The following NUCB2 variants were observed in gnomAD, a reference collection of about 807,000 sequenced individuals.
NUCB2 encodes the protein nucleobindin-2.
NUCB2 carries 48 observed loss-of-function variants against 57.9 expected under a neutral mutation model. That is an observed-to-expected ratio of 0.83 (90% CI 0.66 to 1.05). The LOEUF is 1.05. Ranked by LOEUF, NUCB2 falls within the 50% of genes least tolerant of loss-of-function variation. The pLI, the probability that NUCB2 is intolerant of heterozygous loss-of-function variation, is 0.00. For missense variants in NUCB2, 442 were observed against 476.2 expected (o/e 0.93, Z 0.67); for synonymous variants, 139 against 152.1 (o/e 0.91, Z 0.64).
chr11:17,339,268 G>A (rs1380779507), intron 2 of NUCB2, among the ~76,000 whole-genome samples: 2 of 152,176 alleles, frequency 1.3e-5, no homozygotes, highest in Non-Finnish European at 1.5e-5. Flanking sequence ...GATTACAGGT[G>A]TGAGCCACTG....
intron 11 of NUCB2, among the ~76,000 whole-genome samples, chr11:17,320,585 A>G (rs561143704): frequency 6.6e-6 from 1 of 152,220 alleles, no homozygotes; most frequent in South Asian, 2.1e-4. Context: ...TGAACCTGGG[A>G]GATGGAGGTT....
intron 2 of NUCB2, among the ~76,000 whole-genome samples, chr11:17,346,895 G>A (rs74385428): frequency 1.1e-3 from 162 of 152,146 alleles, no homozygotes; most frequent in African/African-American, 3.4e-3. Context: ...TTATGTGTTT[G>A]TTATTTTGAA....
intron 8 of NUCB2, among the ~76,000 whole-genome samples, chr11:17,311,499 G>A (rs552932463): frequency 1.3e-5 from 2 of 152,166 alleles, no homozygotes; most frequent in Admixed American, 6.5e-5. Context: ...TTACTGTTGA[G>A]TCATATGAAT....
intron 5 of NUCB2, among the ~76,000 whole-genome samples, chr11:17,303,884 C>CA (rs1237614290): frequency 0.03 from 1,616 of 53,766 alleles, 59 homozygotes; most frequent in East Asian, 0.24. Flanking sequence ...GACTCCATCT[C>CA]AAAAAAAAAA....
chr11:17,278,031 T>C (rs1941690805), intron 1 of NUCB2, among the ~76,000 whole-genome samples: 1 of 152,102 alleles, frequency 6.6e-6, no homozygotes, highest in South Asian at 2.1e-4. Flanking sequence ...CTTCAAGCTT[T>C]CCATGATCTC....
chr11:17,280,130 T>G (rs906060384), intron 1 of NUCB2, among the ~76,000 whole-genome samples: 1 of 152,126 alleles, frequency 6.6e-6, no homozygotes, highest in African/African-American at 2.4e-5. Context: ...TTTAATTATC[T>G]GAAGTACAGT....
chr11:17,291,992 A>G (rs1945021400), intron 2 of NUCB2, among the ~76,000 whole-genome samples: 1 of 152,174 alleles, frequency 6.6e-6, no homozygotes, highest in Non-Finnish European at 1.5e-5. Context: ...ATCATTTTAA[A>G]TGAATGGTGT....
chr11:17,331,081 TTA>T (rs1951338396), intron 13 of NUCB2, 98 bp downstream of exon 13: 2 of 876,446 alleles, frequency 2.3e-6, no homozygotes, highest in South Asian at 3.6e-5. Flanking sequence ...CATTAAGATG[TTA>T]TGTTATTTTT....
At chr11:17,282,258 A>ATATATTTT (rs1388672393) in intron 1 of NUCB2, among the ~76,000 whole-genome samples, 6 of 103,482 alleles carry the variant, frequency 5.8e-5, no homozygotes, top group Non-Finnish European at 7.3e-5. Context: ...ATATATATAT[A>ATATATTTT]TTTTTTTTTT....
intron 2 of NUCB2, among the ~76,000 whole-genome samples, chr11:17,347,192 G>C (rs1473928351): frequency 3.9e-5 from 6 of 152,202 alleles, no homozygotes; most frequent in Admixed American, 2.0e-4. Context: ...AAGTGCGGTG[G>C]GAGCTTCCAG....
intron 11 of NUCB2, among the ~76,000 whole-genome samples, chr11:17,323,307 A>G (rs988248378): frequency 2.0e-5 from 3 of 152,090 alleles, no homozygotes; most frequent in Non-Finnish European, 4.4e-5. Flanking sequence ...GAATTTTTTC[A>G]AATTCTTTTT....
At chr11:17,307,421 A>G (rs1415743336) in intron 5 of NUCB2, among the ~76,000 whole-genome samples, 2 of 151,990 alleles carry the variant, frequency 1.3e-5, no homozygotes, top group African/African-American at 2.4e-5. Context: ...CAGCCTCCCA[A>G]AGTGCTGGGA....
intron 2 of NUCB2, chr11:17,283,656 T>A (rs902770483): frequency 1.3e-5 from 2 of 152,238 alleles, no homozygotes; most frequent in Non-Finnish European, 2.9e-5. Flanking sequence ...GGTTATTTTT[T>A]AAAATTACCC....
chr11:17,308,468 T>C lies in NUCB2; in HGVS notation c.380-1104T>C, dbSNP rs1032750654. On this transcript the variant is annotated intron_variant, in intron 5 of 13. Transcript: ENST00000529010. ...CTGAGTTCACACAGATAGTGCTAAT[T>C]CCCATTCATCTCTAGCAATTTCTTT... Among the ~76,000 whole-genome samples, 8 of 152,230 alleles carry C rather than the reference T, an allele frequency of 5.3e-5. 1 individual carries two copies. The highest frequency in any genetic ancestry group is 1.2e-4 in the Non-Finnish European group (8 of 68,038).
intron 5 of NUCB2, among the ~76,000 whole-genome samples, chr11:17,308,838 A>G (rs184142279): frequency 1.3e-5 from 2 of 152,338 alleles, no homozygotes. Flanking sequence ...CATTGGAGCA[A>G]TATACAAGGA....
rs755669283 is a variant in NUCB2, at chr11:17,312,057, A to G, written c.849A>G (p.Glu283=). The part of the protein sequence containing the change: ...ELEKVYDPKN[E]EDDMVEMEEE... ...AGAAAGTATATGACCCTAAAAATGA[A>G]GAGGATGATATGGTAGAAATGGAAG... Residue 283 remains glutamate (E), a synonymous_variant, in exon 10 of 14, where the codon GAA becomes GAG. Transcript: ENST00000529010. 13 of 1,587,944 alleles carry G rather than the reference A, an allele frequency of 8.2e-6. No individual in the cohort carries two copies. Among genetic ancestry groups the G allele is most frequent in the Non-Finnish European group, 1.1e-5 (13 of 1,167,954 alleles).
intron 4 of NUCB2, among the ~76,000 whole-genome samples, chr11:17,298,182 C>T (rs890678579): frequency 5.3e-5 from 8 of 151,282 alleles, no homozygotes; most frequent in Non-Finnish European, 1.0e-4. Flanking sequence ...TAGTTTGAGA[C>T]CAGCCTGAGC....
chr11:17,305,381 A>G (rs1947461538), intron 5 of NUCB2, among the ~76,000 whole-genome samples: 1 of 152,116 alleles, frequency 6.6e-6, no homozygotes, highest in Non-Finnish European at 1.5e-5. Context: ...TCTGAAAAAG[A>G]ACAATAAAGG....
At chr11:17,299,548 G>A (rs1163772217) in intron 4 of NUCB2, among the ~76,000 whole-genome samples, 1 of 152,136 alleles carries the variant, frequency 6.6e-6, no homozygotes, top group Non-Finnish European at 1.5e-5. Flanking sequence ...GAGGCCCACT[G>A]ACTTTTAACT....
Sources: allele counts gnomAD v4.1 joint callset (sites outside exome capture counted in the v4.1 genomes callset), GRCh38; gene constraint gnomAD v4.1.1; transcripts MANE v1.5; gene names NCBI Gene and HGNC (gene_info 2026-07-23, HGNC 2026-07-21).